Variants in LOC128092253 observed in about 807,000 individuals in gnomAD.
the LOC128092253 span, chr6:133,979,942 C>T: frequency 1.7e-5 from 11 of 646,540 alleles, no homozygotes; most frequent in Admixed American, 4.4e-5. Flanking sequence ...CCACTGTGCC[C>T]GGCCAGGGAC....
the LOC128092253 span, among the ~76,000 whole-genome samples, chr6:133,968,703 C>T: frequency 7.2e-5 from 11 of 152,196 alleles, no homozygotes; most frequent in East Asian, 7.7e-4. Flanking sequence ...AGATGGAGTC[C>T]GCTCTCGCCC....
chr6:133,977,691 C>A, the LOC128092253 span, among the ~76,000 whole-genome samples: 1 of 152,166 alleles, frequency 6.6e-6, no homozygotes, highest in Non-Finnish European at 1.5e-5. Flanking sequence ...TCACAGAAAT[C>A]CAACATGAGG....
chr6:133,955,280 C>A, the LOC128092253 span, among the ~76,000 whole-genome samples: 1 of 149,700 alleles, frequency 6.7e-6, no homozygotes, highest in Non-Finnish European at 1.5e-5. Context: ...AGGGTCAAGC[C>A]CTAGCTTCCA....
chr6:133,969,685 ACT>A, the LOC128092253 span, among the ~76,000 whole-genome samples: 1 of 152,084 alleles, frequency 6.6e-6, no homozygotes, highest in South Asian at 2.1e-4. Context: ...CTGTGGACTG[ACT>A]CCTAAAATGT....
chr6:133,971,579 GTGTTGT>G, the LOC128092253 span, among the ~76,000 whole-genome samples: 73,833 of 150,904 alleles, frequency 0.49, 18,617 homozygotes, highest in Non-Finnish European at 0.56. Context: ...CAATACATAG[GTGTTGT>G]TGTTGTTGTT....
the LOC128092253 span, among the ~76,000 whole-genome samples, chr6:133,968,145 C>T: frequency 6.6e-6 from 1 of 151,884 alleles, no homozygotes; most frequent in Non-Finnish European, 1.5e-5. Context: ...CGTGCCACCA[C>T]GCCCAGCTAA....
the LOC128092253 span, among the ~76,000 whole-genome samples, chr6:133,972,682 T>G: frequency 3.4e-3 from 86 of 25,182 alleles, no homozygotes; most frequent in Middle Eastern, 0.015. Flanking sequence ...ATCTTGGTGT[T>G]TGTTTGTTTG....
the LOC128092253 span, among the ~76,000 whole-genome samples, chr6:133,978,542 G>A: frequency 6.6e-6 from 1 of 151,984 alleles, no homozygotes; most frequent in East Asian, 1.9e-4. Flanking sequence ...AGTTCCTATT[G>A]TCACCCCTGC....
At chr6:133,965,202 T>C in the LOC128092253 span, among the ~76,000 whole-genome samples, 2 of 152,368 alleles carry the variant, frequency 1.3e-5, no homozygotes, top group South Asian at 2.1e-4. Context: ...TTACAAATTA[T>C]AGTCACTTAC....
the LOC128092253 span, among the ~76,000 whole-genome samples, chr6:133,965,716 A>G: frequency 1.3e-5 from 2 of 152,028 alleles, no homozygotes; most frequent in East Asian, 1.9e-4. Context: ...TTACTTTTAA[A>G]CTTGAAGGAA....
the LOC128092253 span, among the ~76,000 whole-genome samples, chr6:133,959,836 C>A: frequency 6.6e-6 from 1 of 152,170 alleles, no homozygotes; most frequent in Non-Finnish European, 1.5e-5. Context: ...TGCTGTCTTT[C>A]AGATATGAAC....
chr6:133,965,989 T>A, the LOC128092253 span, among the ~76,000 whole-genome samples: 1 of 152,200 alleles, frequency 6.6e-6, no homozygotes, highest in Non-Finnish European at 1.5e-5. Flanking sequence ...GGTGTTAACT[T>A]ACCCACAGTC....
At chr6:133,963,622 A>G in the LOC128092253 span, among the ~76,000 whole-genome samples, 2 of 152,094 alleles carry the variant, frequency 1.3e-5, no homozygotes, top group African/African-American at 2.4e-5. Context: ...GAGTCTCACC[A>G]TGTTGCTCAG....
the LOC128092253 span, among the ~76,000 whole-genome samples, chr6:133,973,266 G>A: frequency 6.6e-6 from 1 of 152,230 alleles, no homozygotes; most frequent in African/African-American, 2.4e-5. Flanking sequence ...TTGCAAATCG[G>A]TCTATTATCA....
the LOC128092253 span, among the ~76,000 whole-genome samples, chr6:133,964,738 A>G: frequency 6.6e-6 from 1 of 152,090 alleles, no homozygotes; most frequent in East Asian, 1.9e-4. Context: ...GTGAGCCACC[A>G]TGCCCGGCCG....
the LOC128092253 span, among the ~76,000 whole-genome samples, chr6:133,955,099 T>G: frequency 6.6e-6 from 1 of 151,890 alleles, no homozygotes; most frequent in Non-Finnish European, 1.5e-5. Context: ...TTTGTAGCAG[T>G]TCTGTGAAGG....
chr6:133,976,301 G>A, the LOC128092253 span, among the ~76,000 whole-genome samples: 6 of 152,026 alleles, frequency 3.9e-5, no homozygotes, highest in African/African-American at 7.2e-5. Flanking sequence ...ATTTCATAGC[G>A]TTCATACACC....
chr6:133,968,011 CTT>C, the LOC128092253 span, among the ~76,000 whole-genome samples: 29 of 135,980 alleles, frequency 2.1e-4, no homozygotes, highest in Non-Finnish European at 1.9e-4. Flanking sequence ...TGACTATTTT[CTT>C]TTTTTTTTTT....
the LOC128092253 span, among the ~76,000 whole-genome samples, chr6:133,956,204 A>G: frequency 2.0e-5 from 3 of 152,206 alleles, no homozygotes; most frequent in South Asian, 4.1e-4. Context: ...AAGAATTTAT[A>G]GTAGAATGTT....
Sources: allele counts gnomAD v4.1 joint callset (sites outside exome capture counted in the v4.1 genomes callset), GRCh38; gene constraint gnomAD v4.1.1; transcripts MANE v1.5.